RUNDC3B: variants seen among roughly 807,000 people sequenced by gnomAD.
The protein encoded by RUNDC3B is RUN domain-containing protein 3B.
In RUNDC3B, 33 loss-of-function variants were observed where a neutral mutation model predicts 58.4. The ratio of observed to expected loss-of-function variants is 0.56; its 90% CI spans 0.43 to 0.75. The LOEUF (loss-of-function observed/expected upper bound fraction) is 0.75. Among genes scored for constraint, RUNDC3B ranks in the 30% least tolerant of loss-of-function variants. The pLI is 0.00. For missense variants in RUNDC3B, 501 were observed against 535.7 expected (o/e 0.94, Z 0.64); for synonymous variants, 193 against 195.2 (o/e 0.99, Z 0.10).
At chr7:87,704,118 A>C (rs1829384400) in intron 3 of RUNDC3B, among the ~76,000 whole-genome samples, 1 of 150,942 alleles carries the variant, frequency 6.6e-6, no homozygotes, top group Admixed American at 6.6e-5. Context: ...ACAGGGTTTC[A>C]CCATATTGGC....
chr7:87,690,605 CATT>C lies in RUNDC3B; in HGVS notation c.239-9815_239-9813del, dbSNP rs1306880668. ...AAAAATGCTGTATAAAAGATAGTCT[CATT>C]GTTAGCTGAATTACAGTACTGTAGC... On this transcript the variant is annotated intron_variant, in intron 2 of 10. Coordinates refer to ENST00000394654, the MANE Select transcript of RUNDC3B (RefSeq NM_001134405.2). Among the ~76,000 whole-genome samples, 12 of 152,240 alleles carry C rather than the reference CATT, an allele frequency of 7.9e-5. No individual in the cohort carries two copies. The East Asian group carries it at 2.1e-3, about 27-fold the overall frequency.
intron 2 of RUNDC3B, among the ~76,000 whole-genome samples, chr7:87,658,933 CT>C (rs1324003950): frequency 6.6e-6 from 1 of 152,184 alleles, no homozygotes; most frequent in East Asian, 1.9e-4. Flanking sequence ...AAGCGGATCA[CT>C]TGAGCTCAGT....
rs553165709 is a variant in RUNDC3B, at chr7:87,757,797, A to T, written c.630-12784A>T. 4.4e-4 allele frequency among the ~76,000 whole-genome samples: 67 copies of T among 152,324 alleles called. 1 individual carries two copies. The highest frequency in any genetic ancestry group is 1.0e-3 in the Admixed American group (16 of 15,280). The stretch of plus-strand genomic sequence containing the variant: ...GTAACCAAAGCAGCATGACACCAGC[A>T]TAAAAATAGACATACAGACCAATGG... On this transcript the variant is annotated intron_variant, in intron 6 of 10. Transcript: ENST00000394654.
chr7:87,794,308 GC>G, intron 8 of RUNDC3B, among the ~76,000 whole-genome samples: 1 of 152,260 alleles, frequency 6.6e-6, no homozygotes, highest in East Asian at 1.9e-4. Context: ...GGTGGCACAT[GC>G]CTGTAGTCCT....
At chr7:87,688,760 C>T (rs1827725606) in intron 2 of RUNDC3B, among the ~76,000 whole-genome samples, 1 of 151,884 alleles carries the variant, frequency 6.6e-6, no homozygotes, top group Non-Finnish European at 1.5e-5. Flanking sequence ...ACACAATTCT[C>T]ATATACTTGG....
At chr7:87,813,871 C>T (rs1472398260) in intron 9 of RUNDC3B, among the ~76,000 whole-genome samples, 2 of 151,692 alleles carry the variant, frequency 1.3e-5, no homozygotes, top group Non-Finnish European at 2.9e-5. Context: ...ATCCCAGCTA[C>T]TCAGGAGGCT....
chr7:87,825,529 G>C (rs1361234608), intron 10 of RUNDC3B, among the ~76,000 whole-genome samples: 1 of 152,164 alleles, frequency 6.6e-6, no homozygotes, highest in African/African-American at 2.4e-5. Context: ...GGGAAATGTG[G>C]GGTCAGAACC....
intron 8 of RUNDC3B, among the ~76,000 whole-genome samples, chr7:87,788,165 G>A (rs1835324922): frequency 6.6e-6 from 1 of 152,218 alleles, no homozygotes; most frequent in Non-Finnish European, 1.5e-5. Context: ...GCTCATGCCA[G>A]TAATCCCAGA....
At chr7:87,768,647 T>C (rs1254387458) in intron 6 of RUNDC3B, among the ~76,000 whole-genome samples, 2 of 152,202 alleles carry the variant, frequency 1.3e-5, no homozygotes, top group African/African-American at 4.8e-5. Context: ...GTTTGTCACA[T>C]TGGTGAGGGG....
chr7:87,747,188 C>A (rs1005065860), intron 6 of RUNDC3B, among the ~76,000 whole-genome samples: 1 of 152,156 alleles, frequency 6.6e-6, no homozygotes, highest in Non-Finnish European at 1.5e-5. Flanking sequence ...GTACTCTCCC[C>A]CTTTTCCTAT....
intron 4 of RUNDC3B, among the ~76,000 whole-genome samples, chr7:87,737,504 T>G (rs1210532802): frequency 6.6e-6 from 1 of 152,164 alleles, no homozygotes; most frequent in Admixed American, 6.5e-5. Flanking sequence ...TCTACCTCTT[T>G]CATACACATG....
At chr7:87,820,767 A>G (rs1317017696) in intron 10 of RUNDC3B, among the ~76,000 whole-genome samples, 1 of 151,312 alleles carries the variant, frequency 6.6e-6, no homozygotes, top group Non-Finnish European at 1.5e-5. Flanking sequence ...CCAGCATATA[A>G]ACAGAACCAA....
At position 87,764,447 on chromosome 7, in the gene RUNDC3B, A is replaced by G. The variant is rs75989688; in HGVS notation, c.630-6134A>G. ...ATATTAGACTGAGGCAGGTACATGTACAGGTTTGTTAGTTGGATATATTGC... is the reference window on the plus strand; with the variant it reads ...ATATTAGACTGAGGCAGGTACATGTGCAGGTTTGTTAGTTGGATATATTGC... On this transcript the variant is annotated intron_variant, in intron 6 of 10. Transcript: ENST00000394654. Among the ~76,000 whole-genome samples the G allele has an allele frequency of 8.9e-3, 1,345 of 151,974 alleles. 99 individuals carry two copies. In the East Asian group the frequency reaches 0.16, roughly 19 times the overall value.
intron 4 of RUNDC3B, among the ~76,000 whole-genome samples, chr7:87,736,889 A>ATATATATT (rs1397271292): frequency 7.1e-5 from 2 of 28,222 alleles, no homozygotes; most frequent in African/African-American, 1.6e-4. Context: ...ATATATATAT[A>ATATATATT]TTTTTTTTTT....
At chr7:87,702,813 G>A (rs1406681260) in intron 3 of RUNDC3B, among the ~76,000 whole-genome samples, 1 of 152,098 alleles carries the variant, frequency 6.6e-6, no homozygotes, top group Non-Finnish European at 1.5e-5. Flanking sequence ...CAAAGAAAAT[G>A]CTAAATGGAC....
chr7:87,702,914 G>GCTTCT (rs1829221963), intron 3 of RUNDC3B, among the ~76,000 whole-genome samples: 1 of 152,096 alleles, frequency 6.6e-6, no homozygotes, highest in African/African-American at 2.4e-5. Context: ...CTCAACAGAA[G>GCTTCT]GTTGAGTATA....
chr7:87,751,473 T>A (rs1832980501), intron 6 of RUNDC3B, among the ~76,000 whole-genome samples: 1 of 152,154 alleles, frequency 6.6e-6, no homozygotes, highest in South Asian at 2.1e-4. Flanking sequence ...CCTTGGGCAA[T>A]ATGGCCATTT....
intron 7 of RUNDC3B, among the ~76,000 whole-genome samples, chr7:87,773,278 G>A (rs1834387505): frequency 6.8e-6 from 1 of 146,228 alleles, no homozygotes; most frequent in Admixed American, 6.9e-5. Flanking sequence ...AGCGGAGATC[G>A]CGCCACTGCA....
chr7:87,680,029 CA>C (rs1585083247), intron 2 of RUNDC3B, among the ~76,000 whole-genome samples: 2 of 150,468 alleles, frequency 1.3e-5, no homozygotes, highest in East Asian at 4.0e-4. Context: ...CTACCCTAGC[CA>C]CCCACCCCTA....
Sources: allele counts gnomAD v4.1 joint callset (sites outside exome capture counted in the v4.1 genomes callset), GRCh38; gene constraint gnomAD v4.1.1; transcripts MANE v1.5; gene names NCBI Gene and HGNC (gene_info 2026-07-23, HGNC 2026-07-21).